The following PHKB variants were observed in gnomAD, a reference collection of about 807,000 sequenced individuals.
PHKB encodes phosphorylase b kinase regulatory subunit beta.
A neutral mutation model predicts 152.1 loss-of-function variants in PHKB; 122 were observed. The observed-to-expected ratio is 0.80, with a 90% CI of 0.69 to 0.93. PHKB has a LOEUF of 0.93. Ranked by LOEUF, PHKB falls within the 40% of genes least tolerant of loss-of-function variation. The pLI is 0.00. For missense variants in PHKB, 1,304 were observed against 1,328.4 expected (o/e 0.98, Z 0.29); for synonymous variants, 436 against 464.9 (o/e 0.94, Z 0.80).
At chr16:47,605,224 G>T (rs1374939990) in intron 13 of PHKB, among the ~76,000 whole-genome samples, 2 of 152,174 alleles carry the variant, frequency 1.3e-5, no homozygotes, top group Non-Finnish European at 1.5e-5. Context: ...CTAGGTGCTG[G>T]TGGCTCTGCT....
intron 20 of PHKB, 102 bp downstream of exon 20, chr16:47,651,023 GT>G: frequency 1.2e-6 from 1 of 850,740 alleles, no homozygotes; most frequent in Non-Finnish European, 2.0e-6. Flanking sequence ...TTGACTTAAG[GT>G]TTTATTCTCC....
Position 47,649,150 on chromosome 16 carries a change from C to G in PHKB, c.1743C>G (p.Asp581Glu). The part of the protein sequence containing the change: ...KTVVCYPIIF[D>E]LSDFYMSQDV... Reference sequence around the variant, plus strand: ...TGGTTTGTTACCCGATTATTTTCGACCTAAGTGATTTCTACATGTCTCAGG... The same window carrying G: ...TGGTTTGTTACCCGATTATTTTCGAGCTAAGTGATTTCTACATGTCTCAGG... The change falls in exon 18 of 31, where the codon GAC becomes GAG. Residue 581 changes from aspartate to glutamate, a missense_variant. Physicochemically the swap from Asp to Glu is conservative, Grantham distance 45 (BLOSUM62 2). Coordinates refer to ENST00000323584, the MANE Select transcript of PHKB (RefSeq NM_000293.3). 1 of 1,610,994 alleles carries G rather than the reference C, an allele frequency of 6.2e-7. No individual in the cohort carries two copies. Among genetic ancestry groups the G allele is most frequent in the Non-Finnish European group, 8.5e-7 (1 of 1,177,294 alleles).
At chr16:47,642,908 G>A (rs2151727243) in intron 16 of PHKB, among the ~76,000 whole-genome samples, 1 of 152,290 alleles carries the variant, frequency 6.6e-6, no homozygotes, top group African/African-American at 2.4e-5. Flanking sequence ...CGGAGGCAAC[G>A]TGGAGGGAGA....
chr16:47,469,617 G>A (rs1283667737), intron 1 of PHKB, among the ~76,000 whole-genome samples: 1 of 152,044 alleles, frequency 6.6e-6, no homozygotes, highest in Non-Finnish European at 1.5e-5. Context: ...GTGAGGGAGA[G>A]GGGCAGGGCA....
intron 14 of PHKB, among the ~76,000 whole-genome samples, chr16:47,621,294 A>G (rs1972613003): frequency 6.6e-6 from 1 of 152,206 alleles, no homozygotes; most frequent in South Asian, 2.1e-4. Flanking sequence ...GTGGAAGACC[A>G]TCTGCTCAGG....
At chr16:47,483,164 G>A (rs1338569919) in intron 1 of PHKB, among the ~76,000 whole-genome samples, 2 of 145,438 alleles carry the variant, frequency 1.4e-5, no homozygotes, top group Non-Finnish European at 3.0e-5. Context: ...TCAGCCTCCC[G>A]AGTAGCTGGG....
chr16:47,569,213 A>G (rs1971617410), intron 7 of PHKB, among the ~76,000 whole-genome samples: 1 of 152,224 alleles, frequency 6.6e-6, no homozygotes, highest in Admixed American at 6.5e-5. Context: ...TGTTAGCTGC[A>G]TATGTATTTA....
In PHKB at chr16:47,482,632, TTACTTC is replaced by T. The variant is rs544241333; in HGVS notation, c.77-14765_77-14760del. ...CAAAATGCTGAATGACTTGAAAGTA[TTACTTC>T]TGTACGACTTGCGTAGAATAATGTA... On this transcript the variant is annotated intron_variant, in intron 1 of 30. Transcript: ENST00000323584. Among the ~76,000 whole-genome samples, 467 of 152,324 alleles carry T rather than the reference TTACTTC, an allele frequency of 3.1e-3. 7 individuals are homozygous for T. The highest frequency in any genetic ancestry group is 3.5e-3 in the South Asian group (17 of 4,822).
At chr16:47,505,797 C>CA (rs1363661921) in intron 4 of PHKB, among the ~76,000 whole-genome samples, 1 of 152,074 alleles carries the variant, frequency 6.6e-6, no homozygotes, top group Admixed American at 6.6e-5. Flanking sequence ...CTTTGAGAGG[C>CA]AGAGACGGGT....
chr16:47,676,825 C>T (rs879146572), intron 26 of PHKB, among the ~76,000 whole-genome samples: 2 of 152,198 alleles, frequency 1.3e-5, no homozygotes, highest in Admixed American at 1.3e-4. Flanking sequence ...TCCTGACAGG[C>T]CCATTACTGT....
chr16:47,594,569 G>A (rs1217211010), intron 12 of PHKB, among the ~76,000 whole-genome samples: 2 of 152,204 alleles, frequency 1.3e-5, no homozygotes, highest in Non-Finnish European at 2.9e-5. Context: ...GAGAGGTTCT[G>A]CTCTTGTCTA....
intron 3 of PHKB, among the ~76,000 whole-genome samples, chr16:47,500,399 A>C (rs1970305501): frequency 6.6e-6 from 1 of 152,172 alleles, no homozygotes; most frequent in African/African-American, 2.4e-5. Flanking sequence ...CTTTGTGACC[A>C]AAACTTCTTG....
At chr16:47,651,009 GT>G in intron 20 of PHKB, 88 bp downstream of exon 20, 1 of 974,050 alleles carries the variant, frequency 1.0e-6, no homozygotes, top group Non-Finnish European at 1.7e-6. Context: ...TCTATTTAAG[GT>G]TTTTGACTTA....
chr16:47,490,557 A>G (rs540955088), intron 1 of PHKB, among the ~76,000 whole-genome samples: 55 of 152,318 alleles, frequency 3.6e-4, no homozygotes, highest in Non-Finnish European at 7.1e-4. Context: ...TCTTTTCTGG[A>G]GGCTCCAGGG....
At chr16:47,575,238 A>T (rs1437417970) in intron 7 of PHKB, among the ~76,000 whole-genome samples, 1 of 152,206 alleles carries the variant, frequency 6.6e-6, no homozygotes, top group African/African-American at 2.4e-5. Flanking sequence ...GGGAACACTG[A>T]TACATTGTTG....
chr16:47,568,198 T>C (rs1284588768), intron 7 of PHKB, among the ~76,000 whole-genome samples: 2 of 152,188 alleles, frequency 1.3e-5, no homozygotes, highest in African/African-American at 4.8e-5. Context: ...TTGTTACTGA[T>C]TGAATCTCAC....
At chr16:47,687,718 C>T (rs1973989543) in intron 26 of PHKB, among the ~76,000 whole-genome samples, 1 of 152,058 alleles carries the variant, frequency 6.6e-6, no homozygotes, top group Non-Finnish European at 1.5e-5. Flanking sequence ...TCAGTGTTAC[C>T]CTAGACTAAA....
chr16:47,581,824 C>A (rs113106406), intron 8 of PHKB, among the ~76,000 whole-genome samples: 1 of 152,060 alleles, frequency 6.6e-6, no homozygotes, highest in Non-Finnish European at 1.5e-5. Context: ...GGATTACAGG[C>A]GGCTGCCACC....
intron 1 of PHKB, among the ~76,000 whole-genome samples, chr16:47,469,302 T>A (rs1276792297): frequency 6.6e-6 from 1 of 152,192 alleles, no homozygotes; most frequent in African/African-American, 2.4e-5. Context: ...AATACTAGTA[T>A]TGAATCTTAC....
Sources: gnomAD v4.1 joint callset for allele counts (sites outside exome capture counted in the v4.1 genomes callset) on GRCh38, gnomAD v4.1.1 for gene constraint, MANE v1.5 for transcripts, NCBI Gene and HGNC (gene_info 2026-07-23, HGNC 2026-07-21) for gene names.